The following GRM5 variants were observed in gnomAD, a reference collection of about 807,000 sequenced individuals.
GRM5 encodes glutamate metabotropic receptor 5, also known as metabotropic glutamate receptor 5.
GRM5 carries 19 observed loss-of-function variants against 83.1 expected under a neutral mutation model. The observed-to-expected ratio is 0.23, with a 90% CI of 0.16 to 0.34. The LOEUF (loss-of-function observed/expected upper bound fraction) is 0.34. Among genes scored for constraint, GRM5 ranks in the 10% least tolerant of loss-of-function variants. The pLI, the probability that GRM5 is intolerant of heterozygous loss-of-function variation, is 1.00. For synonymous variants in GRM5, 675 were observed against 633.6 expected (o/e 1.07, Z -0.98); for missense variants, 1,160 against 1,588.3 (o/e 0.73, Z 4.58).
At chr11:88,974,143 T>G (rs2135009888) in intron 2 of GRM5, among the ~76,000 whole-genome samples, 1 of 152,244 alleles carries the variant, frequency 6.6e-6, no homozygotes, top group Non-Finnish European at 1.5e-5. Flanking sequence ...ATGATAAAGG[T>G]TCATGCCAGT....
chr11:88,798,805 C>CAAAAAAAAAAAAAAAAAAAAAAAAAA (rs4002396), intron 3 of GRM5, among the ~76,000 whole-genome samples: 9 of 55,386 alleles, frequency 1.6e-4, no homozygotes, highest in Admixed American at 2.3e-4. Context: ...ATGAAAACAC[C>CAAAAAAAAAAAAAAAAAAAAAAAAAA]AAAAAAAAAA....
At chr11:88,751,090 A>AAAAAAAAAAAAAAAAT (rs1942264086) in intron 3 of GRM5, among the ~76,000 whole-genome samples, 1 of 140,356 alleles carries the variant, frequency 7.1e-6, no homozygotes, top group Non-Finnish European at 1.6e-5. Flanking sequence ...AAAAAAAAAA[A>AAAAAAAAAAAAAAAAT]AAAAACAAAG....
At chr11:88,874,044 C>T (rs771101291) in intron 2 of GRM5, among the ~76,000 whole-genome samples, 4 of 151,594 alleles carry the variant, frequency 2.6e-5, no homozygotes, top group Non-Finnish European at 5.9e-5. Context: ...AAACTGAACA[C>T]CTGAACAGAC....
chr11:88,821,551 G>A (rs1943795516), intron 3 of GRM5, among the ~76,000 whole-genome samples: 1 of 151,950 alleles, frequency 6.6e-6, no homozygotes, highest in Non-Finnish European at 1.5e-5. Context: ...TCAATCCTGA[G>A]CAGTTCTTCT....
chr11:88,762,500 AGAAT>A (rs1456877641), intron 3 of GRM5, among the ~76,000 whole-genome samples: 4 of 69,824 alleles, frequency 5.7e-5, no homozygotes, highest in African/African-American at 2.3e-4. Context: ...CACACCACTC[AGAAT>A]GTATTATTAA....
intron 3 of GRM5, among the ~76,000 whole-genome samples, chr11:88,715,318 G>T: frequency 6.6e-6 from 1 of 151,912 alleles, no homozygotes; most frequent in East Asian, 1.9e-4. Context: ...TTGGGCTAAG[G>T]CATGGTGCAT....
At chr11:88,810,917 T>C (rs1943578544) in intron 3 of GRM5, among the ~76,000 whole-genome samples, 2 of 152,102 alleles carry the variant, frequency 1.3e-5, no homozygotes, top group Admixed American at 1.3e-4. Context: ...GAACTGGAAT[T>C]AGGAAATCTG....
chr11:88,996,811 A>G (rs1392155292), intron 2 of GRM5, among the ~76,000 whole-genome samples: 4 of 152,220 alleles, frequency 2.6e-5, no homozygotes, highest in African/African-American at 4.8e-5. Flanking sequence ...TTTGACCACA[A>G]TGGAATCAAA....
intron 2 of GRM5, among the ~76,000 whole-genome samples, chr11:88,996,761 C>A (rs149672852): frequency 0.082 from 12,462 of 152,190 alleles, 1,631 homozygotes; most frequent in African/African-American, 0.28. Flanking sequence ...AAACAAACCA[C>A]AACAAACTTG....
At chr11:88,624,668 C>A (rs560279569) in intron 4 of GRM5, among the ~76,000 whole-genome samples, 150 of 152,276 alleles carry the variant, frequency 9.9e-4, no homozygotes, top group African/African-American at 3.4e-3. Context: ...GGCGACAGAG[C>A]AAGACCCTGT....
chr11:88,731,024 A>G (rs548159887), intron 3 of GRM5, among the ~76,000 whole-genome samples: 1 of 152,184 alleles, frequency 6.6e-6, no homozygotes, highest in Non-Finnish European at 1.5e-5. Context: ...TAATAAAAAA[A>G]CATAAATATT....
intron 2 of GRM5, among the ~76,000 whole-genome samples, chr11:88,858,515 G>A (rs931466516): frequency 2.0e-5 from 3 of 151,968 alleles, no homozygotes; most frequent in African/African-American, 7.2e-5. Context: ...AAGAGCAAAG[G>A]TACATGTTGA....
At chr11:88,936,207 G>T (rs1937888227) in intron 2 of GRM5, among the ~76,000 whole-genome samples, 1 of 151,814 alleles carries the variant, frequency 6.6e-6, no homozygotes, top group Non-Finnish European at 1.5e-5. Context: ...GATTTAGGTT[G>T]CTAATCTGAC....
At chr11:88,868,828 G>C (rs1286086662) in intron 2 of GRM5, among the ~76,000 whole-genome samples, 1 of 151,732 alleles carries the variant, frequency 6.6e-6, no homozygotes, top group African/African-American at 2.4e-5. Flanking sequence ...AATTGGAACA[G>C]ATATAACCCC....
chr11:88,978,473 T>TAAAAAAAAAAAAAAAAA (rs1565317795), intron 2 of GRM5, among the ~76,000 whole-genome samples: 1 of 56,818 alleles, frequency 1.8e-5, no homozygotes, highest in African/African-American at 6.6e-5. Context: ...GCAGATGAGC[T>TAAAAAAAAAAAAAAAAA]TAAAAAAAAA....
intron 2 of GRM5, among the ~76,000 whole-genome samples, chr11:88,913,752 A>G (rs879581142): frequency 6.6e-6 from 1 of 151,796 alleles, no homozygotes; most frequent in South Asian, 2.1e-4. Context: ...ATGCCAGGCT[A>G]ATTTTTGTAT....
In GRM5 at chr11:88,509,194, G is replaced by C; in HGVS notation, c.3037C>G (p.Pro1013Ala). The change falls in exon 10 of 10, where the codon CCC (proline) becomes GCC (alanine). Residue 1013 changes from proline (P) to alanine (A), a missense_variant. Physicochemically the swap from Pro to Ala is conservative, Grantham distance 27. Coordinates refer to ENST00000305447, the MANE Select transcript of GRM5 (RefSeq NM_001143831.3). ...GGCGACGGTGAGCGCGGCCGCGCGG[G>C]CGCCGGGAAGTGCTCCTCAGCCTCG... ...VAEAEEHFPA[P>A]ARPRSPSPIS... 1 of 1,533,948 alleles carries C rather than the reference G, an allele frequency of 6.5e-7. No individual in the cohort carries two copies. Among genetic ancestry groups the C allele is most frequent in the Non-Finnish European group, 8.8e-7 (1 of 1,142,780 alleles).
rs368562373 is a variant in GRM5, at chr11:88,849,937, C to G, written c.880G>C (p.Gly294Arg). The change falls in exon 3 of 10, where the codon GGT becomes CGT. Residue 294 changes from glycine (G) to arginine (R), a missense_variant. Gly to Arg is a moderately radical substitution (Grantham distance 125, BLOSUM62 -2). This residue lies in a region of GRM5 where 84 missense variants were observed against 231.0 expected (regional missense o/e 0.36). Transcript: ENST00000305447. ...RGLLMAMRRLGLAGEFLLLGS... is the reference protein window; with the variant it reads ...RGLLMAMRRLRLAGEFLLLGS... ...AGAAGCAGAAATTCTCCCGCTAGAC[C>G]CAGGCGCCTCATGGCCATCAGCAGA... 8.1e-6 allele frequency: 13 copies of G among 1,613,946 alleles called. No individual in the cohort carries two copies. The Admixed American group carries it at 2.0e-4, about 25-fold the overall frequency.
At chr11:88,655,618 A>T (rs1591416124) in intron 3 of GRM5, among the ~76,000 whole-genome samples, 1 of 151,538 alleles carries the variant, frequency 6.6e-6, no homozygotes, top group East Asian at 1.9e-4. Context: ...CATAAAAGAA[A>T]ACTGTCAGGA....
Sources: gnomAD v4.1 joint callset for allele counts (sites outside exome capture counted in the v4.1 genomes callset) on GRCh38, gnomAD v4.1.1 for gene constraint, gnomAD v4.1.1 regional missense constraint, MANE v1.5 for transcripts, NCBI Gene and HGNC (gene_info 2026-07-23, HGNC 2026-07-21) for gene names.